The following METTL15 variants were observed in gnomAD, a reference collection of about 807,000 sequenced individuals.
METTL15 encodes methyltransferase 15, mitochondrial 12S rRNA N4-cytidine.
Under a neutral mutation model 38.3 loss-of-function variants are expected in METTL15, and 34 were observed. The observed-to-expected ratio is 0.89, with a 90% CI of 0.68 to 1.18. METTL15 has a LOEUF of 1.18. Ranked by LOEUF, METTL15 falls within the 50% of genes most tolerant of loss-of-function variation. The probability of loss-of-function intolerance (pLI) is 0.00; values close to 1 mark genes in which losing one functional copy is unlikely to be tolerated. For synonymous variants in METTL15, 162 were observed against 170.9 expected, an observed-to-expected ratio of 0.95 and a Z score of 0.41; for missense variants, 438 against 498.4, an observed-to-expected ratio of 0.88 and a Z score of 1.15.
At chr11:28,155,405 T>G (rs951458488) in intron 3 of METTL15, among the ~76,000 whole-genome samples, 1 of 152,202 alleles carries the variant, frequency 6.6e-6, no homozygotes, top group Non-Finnish European at 1.5e-5. Context: ...GAGCCAATTC[T>G]TGATCTGTCC....
At chr11:28,175,917 A>G (rs1447176240) in intron 3 of METTL15, among the ~76,000 whole-genome samples, 5 of 151,978 alleles carry the variant, frequency 3.3e-5, no homozygotes, top group Non-Finnish European at 5.9e-5. Flanking sequence ...GCAAATATAT[A>G]TATATATATG....
chr11:28,112,353 G>T (rs934680559), intron 2 of METTL15, among the ~76,000 whole-genome samples: 1 of 152,084 alleles, frequency 6.6e-6, no homozygotes, highest in Non-Finnish European at 1.5e-5. Context: ...TTGTGTATAC[G>T]AAGGTGTGGG....
At chr11:28,404,947 T>A (rs1850661748) in intron 5 of METTL15, among the ~76,000 whole-genome samples, 1 of 152,138 alleles carries the variant, frequency 6.6e-6, no homozygotes, top group Non-Finnish European at 1.5e-5. Context: ...AGCTTAATAT[T>A]TGTAAGACCA....
chr11:28,464,543 G>T (rs1475996238), intron 6 of METTL15, among the ~76,000 whole-genome samples: 1 of 152,178 alleles, frequency 6.6e-6, no homozygotes, highest in Non-Finnish European at 1.5e-5. Flanking sequence ...TTCACTTGTG[G>T]TCATCTCTGT....
chr11:28,282,540 A>C (rs1252746046), intron 4 of METTL15, among the ~76,000 whole-genome samples: 2 of 152,170 alleles, frequency 1.3e-5, no homozygotes, highest in Non-Finnish European at 2.9e-5. Flanking sequence ...AACACTTTCC[A>C]TCAAGAGGTG....
At chr11:28,205,602 C>T (rs866628384) in intron 3 of METTL15, among the ~76,000 whole-genome samples, 2 of 151,832 alleles carry the variant, frequency 1.3e-5, no homozygotes, top group Non-Finnish European at 2.9e-5. Context: ...CATGATTTAT[C>T]GTCCTTTGGG....
At chr11:28,369,217 G>A (rs907631912) in intron 5 of METTL15, among the ~76,000 whole-genome samples, 26 of 151,786 alleles carry the variant, frequency 1.7e-4, no homozygotes, top group Non-Finnish European at 1.5e-5. Context: ...GAAAGAATCA[G>A]CAAACTCAAA....
At chr11:28,187,613 A>G (rs1221496214) in intron 3 of METTL15, among the ~76,000 whole-genome samples, 4 of 150,292 alleles carry the variant, frequency 2.7e-5, no homozygotes, top group Admixed American at 6.7e-5. Context: ...CACTAGACAT[A>G]TAGTATAATT....
At chr11:28,470,226 T>A (rs769135671) in intron 6 of METTL15, among the ~76,000 whole-genome samples, 1 of 152,162 alleles carries the variant, frequency 6.6e-6, no homozygotes, top group African/African-American at 2.4e-5. Flanking sequence ...TGCTCAGTCC[T>A]CTTACCCCCT....
chr11:28,221,608 C>T (rs1853226213), intron 4 of METTL15, among the ~76,000 whole-genome samples: 1 of 152,106 alleles, frequency 6.6e-6, no homozygotes, highest in Non-Finnish European at 1.5e-5. Flanking sequence ...AGCTGTGTTC[C>T]CTTGGAGGAG....
chr11:28,190,066 T>G (rs867514874), intron 3 of METTL15, among the ~76,000 whole-genome samples: 2 of 151,268 alleles, frequency 1.3e-5, no homozygotes, highest in African/African-American at 2.4e-5. Flanking sequence ...TTGACTACTT[T>G]AATTTTTTCT....
At chr11:28,508,805 A>T (rs1236808471) in intron 6 of METTL15, among the ~76,000 whole-genome samples, 1 of 152,176 alleles carries the variant, frequency 6.6e-6, no homozygotes, top group Non-Finnish European at 1.5e-5. Context: ...GTATTTAAGG[A>T]TTATTTCTTG....
chr11:28,451,259 C>T (rs1436603804), intron 6 of METTL15, among the ~76,000 whole-genome samples: 2 of 151,674 alleles, frequency 1.3e-5, no homozygotes, highest in Non-Finnish European at 2.9e-5. Context: ...TGGAGATTAA[C>T]AGGAGAGAAA....
intron 4 of METTL15, among the ~76,000 whole-genome samples, chr11:28,267,577 C>G (rs2133950925): frequency 6.6e-6 from 1 of 152,342 alleles, no homozygotes; most frequent in South Asian, 2.1e-4. Flanking sequence ...AGAATATCAG[C>G]TCCATGAGGG....
intron 5 of METTL15, among the ~76,000 whole-genome samples, chr11:28,422,814 G>A (rs1473428904): frequency 6.6e-6 from 1 of 151,934 alleles, no homozygotes; most frequent in Non-Finnish European, 1.5e-5. Flanking sequence ...TACCCCACAA[G>A]GACAGGCAAC....
rs76205714 is a variant in METTL15 at position 28,197,365 on chromosome 11, C to T, written c.271-13697C>T. 3.0e-3 allele frequency: 730 copies of T among 242,496 alleles called. 5 individuals carry two copies. Among genetic ancestry groups the T allele is most frequent in the African/African-American group, 0.016 (697 of 44,202 alleles). The allele number at this position is 242,496 out of a possible 1,614,324, so 15.0% of individuals were successfully genotyped here. A position where few individuals can be genotyped will look rare whatever the true frequency, so the allele number is the denominator to read the frequency against. Reference sequence around the variant, plus strand: ...AGCATAAAATTTTTTGGAATTTAGGCCTTTGTGAATAATTATTTTTTTGAT... The same window carrying T: ...AGCATAAAATTTTTTGGAATTTAGGTCTTTGTGAATAATTATTTTTTTGAT... On this transcript the variant is annotated intron_variant, in intron 3 of 6. Transcript: ENST00000407364.
At chr11:28,505,074 C>G (rs1851617228) in intron 6 of METTL15, among the ~76,000 whole-genome samples, 1 of 152,140 alleles carries the variant, frequency 6.6e-6, no homozygotes. Flanking sequence ...GCATAAAGAG[C>G]CAGGACTGGA....
intron 3 of METTL15, among the ~76,000 whole-genome samples, chr11:28,157,001 A>G (rs955123649): frequency 1.8e-4 from 27 of 152,284 alleles, no homozygotes; most frequent in African/African-American, 6.5e-4. Context: ...TTATTCCTGA[A>G]ATCGTAAACT....
chr11:28,307,442 A>G (rs1857121681), intron 6 of METTL15, among the ~76,000 whole-genome samples: 1 of 151,996 alleles, frequency 6.6e-6, no homozygotes, highest in Non-Finnish European at 1.5e-5. Context: ...TTATACAATG[A>G]GCTTGACTAG....
Sources: gnomAD v4.1 joint callset for allele counts (sites outside exome capture counted in the v4.1 genomes callset) on GRCh38, gnomAD v4.1.1 for gene constraint, MANE v1.5 for transcripts, NCBI Gene and HGNC (gene_info 2026-07-23, HGNC 2026-07-21) for gene names.